PIK3C2A: variants seen among roughly 807,000 people sequenced by gnomAD.
PIK3C2A encodes the protein phosphatidylinositol 4-phosphate 3-kinase C2 domain-containing subunit alpha.
PIK3C2A carries 97 observed loss-of-function variants against 204.5 expected under a neutral mutation model. The ratio of observed to expected loss-of-function variants is 0.47; its 90% CI spans 0.40 to 0.56. PIK3C2A has a LOEUF of 0.56. Among genes scored for constraint, PIK3C2A ranks in the 20% least tolerant of loss-of-function variants. The pLI is 0.00. For missense variants in PIK3C2A, 1,735 were observed against 1,969.2 expected (o/e 0.88, Z 2.25); for synonymous variants, 653 against 664.4 (o/e 0.98, Z 0.26).
Position 17,122,379 on chromosome 11 carries a change from G to A in PIK3C2A, c.2512-46C>T, listed in dbSNP as rs928771562. On this transcript the variant is annotated intron_variant, in intron 14 of 32. Coordinates refer to ENST00000691414, the MANE Select transcript of PIK3C2A (RefSeq NM_002645.4). The stretch of plus-strand genomic sequence containing the variant: ...TGATCAAATTACAGTCTACGTATTT[G>A]CCACATTAACCTCTTTGTCTTTAAG... The A allele has an allele frequency of 5.0e-6, 6 of 1,208,916 alleles. No individual in the cohort carries two copies. The African/African-American group carries it at 9.2e-5, about 19-fold the overall frequency. 74.9% of individuals were successfully genotyped at this position (1,208,916 alleles called of 1,614,324 possible). A position where few individuals can be genotyped will look rare whatever the true frequency, so the allele number is the denominator to read the frequency against.
intron 8 of PIK3C2A, among the ~76,000 whole-genome samples, chr11:17,144,444 A>G (rs1379868718): frequency 6.6e-6 from 1 of 152,214 alleles, no homozygotes; most frequent in South Asian, 2.1e-4. Context: ...TCTAGCATTC[A>G]GCATATAGTA....
intron 1 of PIK3C2A, among the ~76,000 whole-genome samples, chr11:17,174,897 T>A (rs1421768739): frequency 6.6e-6 from 1 of 151,788 alleles, no homozygotes; most frequent in Non-Finnish European, 1.5e-5. Context: ...TGAAACTCTG[T>A]CTCAAAAAAA....
At chr11:17,123,225 A>G (rs559425051) in intron 13 of PIK3C2A, among the ~76,000 whole-genome samples, 4 of 152,252 alleles carry the variant, frequency 2.6e-5, no homozygotes, top group Non-Finnish European at 5.9e-5. Context: ...CAAAAATACA[A>G]GCCAAAGAAA....
In PIK3C2A at chr11:17,117,946, C is replaced by G. The variant is rs1215420346; in HGVS notation, c.3036-275G>C. ...GCCAGGATGGTCTCGATCTCCTGACCTTGTGATCCGCCCACTTCGGCCTCC... is the reference window on the plus strand; with the variant it reads ...GCCAGGATGGTCTCGATCTCCTGACGTTGTGATCCGCCCACTTCGGCCTCC... On this transcript the variant is annotated intron_variant, in intron 18 of 32. Transcript: ENST00000691414. Among the ~76,000 whole-genome samples the G allele has an allele frequency of 2.6e-5, 4 of 152,140 alleles. No homozygotes were observed. The South Asian group carries it at 8.3e-4, about 32-fold the overall frequency.
intron 15 of PIK3C2A, among the ~76,000 whole-genome samples, chr11:17,120,969 C>T (rs1663584319): frequency 2.0e-5 from 3 of 152,152 alleles, no homozygotes; most frequent in Admixed American, 2.0e-4. Flanking sequence ...GCCACCATCT[C>T]AGCCTCCCAA....
intron 8 of PIK3C2A, among the ~76,000 whole-genome samples, chr11:17,139,949 TA>T (rs1239359829): frequency 6.6e-6 from 1 of 152,186 alleles, no homozygotes; most frequent in East Asian, 1.9e-4. Flanking sequence ...CCACGGCACC[TA>T]AAATTCCTTT....
intron 1 of PIK3C2A, among the ~76,000 whole-genome samples, chr11:17,176,005 T>C (rs1160135669): frequency 7.4e-5 from 2 of 26,948 alleles, no homozygotes; most frequent in Non-Finnish European, 1.4e-4. Context: ...TGGAACTGAT[T>C]TTTTTTTTTT....
rs528038061 is a variant in PIK3C2A, at chr11:17,189,270, A to G, written c.-66+18578T>C. Reference sequence around the variant, plus strand: ...AATAAATGGAATTTTGGAGGTAAATATTAAGTAAAAAATAAGTAAACTTCA... The same window carrying G: ...AATAAATGGAATTTTGGAGGTAAATGTTAAGTAAAAAATAAGTAAACTTCA... On this transcript the variant is annotated intron_variant, in intron 1 of 32. Coordinates refer to ENST00000691414, the MANE Select transcript of PIK3C2A (RefSeq NM_002645.4). 6.8e-5 allele frequency among the ~76,000 whole-genome samples: 10 copies of G among 147,198 alleles called. No individual in the cohort carries two copies. In the South Asian group the frequency reaches 2.1e-3, roughly 30 times the overall value.
At chr11:17,110,363 A>T in intron 22 of PIK3C2A, 69 bp downstream of exon 22, 1 of 1,160,620 alleles carries the variant, frequency 8.6e-7, no homozygotes, top group Non-Finnish European at 1.2e-6. Context: ...CAGGATGTTT[A>T]CGGCAGGTAC....
intron 22 of PIK3C2A, among the ~76,000 whole-genome samples, chr11:17,110,010 T>G (rs1848944669): frequency 2.0e-5 from 3 of 152,128 alleles, no homozygotes; most frequent in African/African-American, 7.2e-5. Context: ...TAGAATACAG[T>G]GATGCAATCT....
chr11:17,091,732 T>A, intron 30 of PIK3C2A, 76 bp from the exon 31 acceptor site: 1 of 985,730 alleles, frequency 1.0e-6, no homozygotes, highest in Non-Finnish European at 1.5e-6. Flanking sequence ...TTTGCTTTAT[T>A]TTCAAGACTG....
At chr11:17,170,246 G>A (rs1235476603) in intron 1 of PIK3C2A, among the ~76,000 whole-genome samples, 1 of 152,140 alleles carries the variant, frequency 6.6e-6, no homozygotes, top group African/African-American at 2.4e-5. Flanking sequence ...TTGTTAAATT[G>A]CTCAAAAGCC....
At chr11:17,120,954 C>T (rs1177904121) in intron 15 of PIK3C2A, among the ~76,000 whole-genome samples, 3 of 152,070 alleles carry the variant, frequency 2.0e-5, no homozygotes, top group Admixed American at 6.6e-5. Flanking sequence ...GGATTACAGG[C>T]ATGTGCCACC....
At chr11:17,118,280 T>A (rs1024228036) in intron 18 of PIK3C2A, among the ~76,000 whole-genome samples, 1 of 151,222 alleles carries the variant, frequency 6.6e-6, no homozygotes, top group South Asian at 2.1e-4. Context: ...ACCATGATTG[T>A]TAGGCTGGTC....
chr11:17,202,259 GAAA>G (rs551023337), intron 1 of PIK3C2A, among the ~76,000 whole-genome samples: 1 of 92,860 alleles, frequency 1.1e-5, no homozygotes, highest in Non-Finnish European at 2.1e-5. Flanking sequence ...TTCATCTCCA[GAAA>G]AAAAAAAAAA....
At chr11:17,107,324 A>T (rs1018564807) in intron 22 of PIK3C2A, among the ~76,000 whole-genome samples, 2 of 152,226 alleles carry the variant, frequency 1.3e-5, no homozygotes, top group East Asian at 1.9e-4. Flanking sequence ...AAAAATAAAA[A>T]AAAATAAAAT....
chr11:17,102,543 T>C, intron 24 of PIK3C2A, 119 bp downstream of exon 24: 6 of 716,874 alleles, frequency 8.4e-6, no homozygotes, highest in Non-Finnish European at 1.4e-5. Context: ...TCTTTGGGCC[T>C]TTTTCATTCC....
At chr11:17,196,355 A>T (rs1852155126) in intron 1 of PIK3C2A, among the ~76,000 whole-genome samples, 1 of 152,222 alleles carries the variant, frequency 6.6e-6, no homozygotes, top group African/African-American at 2.4e-5. Context: ...TTCTGTGGAA[A>T]ATAGGCATAA....
Position 17,119,295 on chromosome 11 carries a change from T to A in PIK3C2A, c.2865A>T (p.Val955=), listed in dbSNP as rs780415734. Residue 955 remains valine, a synonymous_variant, in exon 17 of 33, where the codon GTA becomes GTT. Coordinates refer to ENST00000691414, the MANE Select transcript of PIK3C2A (RefSeq NM_002645.4). ...CAATCCAGGTCACAGCTAGGGATCT[T>A]ACTTCCTGATCAGCAAATCTAGAAG... ...LLDSKFADQE[V]RSLAVTWIEA... 6.3e-7 allele frequency: 1 copy of A among 1,598,508 alleles called. No homozygotes were observed. Among genetic ancestry groups the A allele is most frequent in the South Asian group, 1.1e-5 (1 of 90,226 alleles).
Sources: allele counts gnomAD v4.1 joint callset (sites outside exome capture counted in the v4.1 genomes callset), GRCh38; gene constraint gnomAD v4.1.1; transcripts MANE v1.5; gene names NCBI Gene and HGNC (gene_info 2026-07-23, HGNC 2026-07-21).